The following ERI1 variants were observed in gnomAD, a reference collection of about 807,000 sequenced individuals.
ERI1 encodes the protein exoribonuclease 1.
Under a neutral mutation model 39.7 loss-of-function variants are expected in ERI1, and 39 were observed. The ratio of observed to expected loss-of-function variants is 0.98; its 90% CI spans 0.76 to 1.28. The LOEUF is 1.28. ERI1 is among the 50% of genes most tolerant of loss of function. The pLI is 0.00. For missense variants in ERI1, 581 were observed against 416.9 expected, an observed-to-expected ratio of 1.39 and a Z score of -3.43; for synonymous variants, 204 against 149.6, an observed-to-expected ratio of 1.36 and a Z score of -2.65.
chr8:9,029,280 C>G (rs1420215972), intron 6 of ERI1, among the ~76,000 whole-genome samples: 1 of 152,060 alleles, frequency 6.6e-6, no homozygotes, highest in Non-Finnish European at 1.5e-5. Context: ...GTCTGAGGAT[C>G]CTGTCTGTAT....
intron 3 of ERI1, among the ~76,000 whole-genome samples, chr8:9,072,051 G>T (rs929326518): frequency 1.3e-5 from 2 of 152,212 alleles, no homozygotes; most frequent in Non-Finnish European, 2.9e-5. Flanking sequence ...GGGTGACAGA[G>T]CAAGACCCTG....
intron 3 of ERI1, among the ~76,000 whole-genome samples, chr8:9,077,042 C>T (rs1052804325): frequency 2.0e-5 from 3 of 152,246 alleles, no homozygotes; most frequent in Admixed American, 2.0e-4. Flanking sequence ...TTCCAATGTA[C>T]CTCATACGCA....
At chr8:9,020,073 G>C (rs1817720164) in intron 5 of ERI1, among the ~76,000 whole-genome samples, 1 of 152,136 alleles carries the variant, frequency 6.6e-6, no homozygotes, top group Non-Finnish European at 1.5e-5. Flanking sequence ...ATAATACTCA[G>C]CAAGATAGAA....
chr8:9,048,999 G>A (rs1322295820), intron 3 of ERI1, among the ~76,000 whole-genome samples: 1 of 151,934 alleles, frequency 6.6e-6, no homozygotes, highest in African/African-American at 2.4e-5. Flanking sequence ...GGAGGTGAGC[G>A]AGATGTAAAT....
chr8:9,004,957 G>A (rs574601425), intron 1 of ERI1, among the ~76,000 whole-genome samples: 2 of 152,076 alleles, frequency 1.3e-5, no homozygotes, highest in Non-Finnish European at 1.5e-5. Flanking sequence ...CAAAGTGCTG[G>A]GATTACAGGC....
chr8:9,009,108 C>G (rs1326392219), intron 2 of ERI1: 2 of 455,918 alleles, frequency 4.4e-6, no homozygotes, highest in Non-Finnish European at 8.8e-6. Context: ...GTTGCTTACT[C>G]CTGGCTTGCG....
chr8:9,068,527 G>T (rs1414563609), intron 3 of ERI1, among the ~76,000 whole-genome samples: 1 of 152,132 alleles, frequency 6.6e-6, no homozygotes, highest in African/African-American at 2.4e-5. Flanking sequence ...AATGCTGAGT[G>T]GAGGCTGGAT....
intron 3 of ERI1, among the ~76,000 whole-genome samples, chr8:9,061,391 C>A (rs998253384): frequency 2.0e-5 from 3 of 151,874 alleles, no homozygotes; most frequent in African/African-American, 7.3e-5. Flanking sequence ...GCTGAAGGAC[C>A]CGGGGAGCAG....
intron 3 of ERI1, among the ~76,000 whole-genome samples, chr8:9,052,861 A>G (rs372670723): frequency 6.6e-6 from 1 of 152,164 alleles, no homozygotes; most frequent in South Asian, 2.1e-4. Context: ...GTGGGCCCTT[A>G]AATAGTTTCA....
At chr8:9,006,616 G>A (rs774249379) in intron 1 of ERI1, among the ~76,000 whole-genome samples, 1 of 152,160 alleles carries the variant, frequency 6.6e-6, no homozygotes, top group Non-Finnish European at 1.5e-5. Context: ...GTCAAGCAGA[G>A]CAATATCTAT....
intron 3 of ERI1, among the ~76,000 whole-genome samples, chr8:9,066,052 C>T (rs1035548017): frequency 3.9e-5 from 6 of 152,150 alleles, no homozygotes; most frequent in African/African-American, 1.2e-4. Flanking sequence ...TTCTGCTTTG[C>T]GATATCAACA....
At chr8:9,037,124 A>C (rs1271049809), downstream of ERI1, among the ~76,000 whole-genome samples, 1 of 152,212 alleles carries the variant, frequency 6.6e-6, no homozygotes, top group Non-Finnish European at 1.5e-5. Flanking sequence ...GTTGCTTTGC[A>C]CACTGATCTC....
intron 3 of ERI1, among the ~76,000 whole-genome samples, chr8:9,013,086 C>T (rs750246869): frequency 9.2e-5 from 14 of 151,922 alleles, no homozygotes; most frequent in Non-Finnish European, 1.6e-4. Context: ...GCAAACCCAG[C>T]TGACTGCAAC....
chr8:9,047,259 A>T (rs981775057), intron 3 of ERI1, among the ~76,000 whole-genome samples: 1 of 152,302 alleles, frequency 6.6e-6, no homozygotes, highest in African/African-American at 2.4e-5. Flanking sequence ...AGTTTATAGC[A>T]GTGCCTTTCG....
intron 3 of ERI1, among the ~76,000 whole-genome samples, chr8:9,074,133 C>T (rs562713173): frequency 1.3e-5 from 2 of 151,830 alleles, no homozygotes; most frequent in Non-Finnish European, 2.9e-5. Context: ...TTTTTTGAGA[C>T]ATGGTCTTGC....
chr8:9,036,804 G>A (rs1205658614), downstream of ERI1, among the ~76,000 whole-genome samples: 1 of 152,142 alleles, frequency 6.6e-6, no homozygotes, highest in Non-Finnish European at 1.5e-5. Context: ...GGAGGGCAGC[G>A]ATTGAGCCTT....
intron 3 of ERI1, among the ~76,000 whole-genome samples, chr8:9,043,733 G>T (rs13263480): frequency 6.6e-6 from 1 of 152,008 alleles, no homozygotes; most frequent in South Asian, 2.1e-4. Context: ...TTTTATTTTC[G>T]TTGGAGACAG....
intron 3 of ERI1, among the ~76,000 whole-genome samples, chr8:9,070,107 C>A (rs959513775): frequency 3.9e-5 from 6 of 152,034 alleles, no homozygotes; most frequent in Non-Finnish European, 5.9e-5. Flanking sequence ...GGCTTGGTGG[C>A]AGGCACCTGT....
rs189929739 is a variant in ERI1, at chr8:9,066,776, G to T, written n.299+46312G>T. Among the ~76,000 whole-genome samples, 292 of 152,232 alleles carry T rather than the reference G, an allele frequency of 1.9e-3. 1 individual carries two copies. The highest frequency in any genetic ancestry group is 6.6e-3 in the African/African-American group (275 of 41,534). On this transcript the variant is annotated intron_variant and non_coding_transcript_variant, in intron 3 of 3. Coordinates refer to the ERI1 transcript ENST00000518663. The stretch of plus-strand genomic sequence containing the variant: ...GCAGAGACTAAAATGTGACAGGCGG[G>T]TGAGTTGAGAGGGAAACAGCTGGCT...
Sources: gnomAD v4.1 joint callset for allele counts (sites outside exome capture counted in the v4.1 genomes callset) on GRCh38, gnomAD v4.1.1 for gene constraint, MANE v1.5 for transcripts, NCBI Gene and HGNC (gene_info 2026-07-23, HGNC 2026-07-21) for gene names.